ADK: variants seen among roughly 807,000 people sequenced by gnomAD.
ADK encodes the protein N6,N6-dimethyladenosine kinase.
ADK carries 24 observed loss-of-function variants against 44.7 expected under a neutral mutation model. The ratio of observed to expected loss-of-function variants is 0.54; its 90% CI spans 0.39 to 0.76. The LOEUF is 0.76. ADK is among the 30% of genes least tolerant of loss of function. ADK has a pLI of 0.00. For synonymous variants in ADK, 128 were observed against 142.6 expected, an observed-to-expected ratio of 0.90 and a Z score of 0.73; for missense variants, 321 against 425.1, an observed-to-expected ratio of 0.76 and a Z score of 2.15.
At chr10:74,540,747 C>A (rs1849598918) in intron 7 of ADK, among the ~76,000 whole-genome samples, 1 of 151,976 alleles carries the variant, frequency 6.6e-6, no homozygotes, top group Non-Finnish European at 1.5e-5. Context: ...GAGTGAGACA[C>A]CTCACCCAGC....
At chr10:74,237,279 A>G (rs939466514) in intron 3 of ADK, among the ~76,000 whole-genome samples, 1 of 152,222 alleles carries the variant, frequency 6.6e-6, no homozygotes, top group Non-Finnish European at 1.5e-5. Context: ...AGTACATTCC[A>G]TCTTAGGAAA....
At chr10:74,441,435 G>A (rs1013323175) in intron 6 of ADK, among the ~76,000 whole-genome samples, 3 of 152,186 alleles carry the variant, frequency 2.0e-5, no homozygotes, top group African/African-American at 4.8e-5. Flanking sequence ...ACACAAAAAT[G>A]TGTATATGAA....
intron 5 of ADK, among the ~76,000 whole-genome samples, chr10:74,395,086 ATTATATTGT>A (rs1843461508): frequency 1.3e-5 from 2 of 152,104 alleles, no homozygotes; most frequent in African/African-American, 4.8e-5. Flanking sequence ...TGCCCTAGCT[ATTATATTGT>A]TGGGATAATC....
At chr10:74,623,606 A>G (rs1853077669) in intron 9 of ADK, among the ~76,000 whole-genome samples, 1 of 152,044 alleles carries the variant, frequency 6.6e-6, no homozygotes, top group Admixed American at 6.6e-5. Context: ...CATATCTTGT[A>G]AATGCATTTT....
intron 3 of ADK, among the ~76,000 whole-genome samples, chr10:74,263,775 C>T (rs573571994): frequency 6.6e-6 from 1 of 152,304 alleles, no homozygotes; most frequent in African/African-American, 2.4e-5. Context: ...TACAGTGCCT[C>T]TCCTTCGGCT....
At chr10:74,639,480 C>T (rs1043498550) in intron 9 of ADK, among the ~76,000 whole-genome samples, 1 of 152,154 alleles carries the variant, frequency 6.6e-6, no homozygotes, top group Non-Finnish European at 1.5e-5. Context: ...TGTGAAACTT[C>T]ATCACTTATT....
intron 1 of ADK, among the ~76,000 whole-genome samples, chr10:74,176,144 C>A (rs982056494): frequency 6.6e-6 from 1 of 152,142 alleles, no homozygotes; most frequent in Non-Finnish European, 1.5e-5. Flanking sequence ...TTTCTAGATT[C>A]GGATACATAA....
intron 6 of ADK, among the ~76,000 whole-genome samples, chr10:74,493,823 G>A (rs993378074): frequency 2.6e-5 from 4 of 152,044 alleles, no homozygotes; most frequent in African/African-American, 9.7e-5. Flanking sequence ...TACCATGAAT[G>A]TTTTACCTCA....
At chr10:74,427,729 G>GTA (rs773319400) in intron 6 of ADK, among the ~76,000 whole-genome samples, 4 of 33,114 alleles carry the variant, frequency 1.2e-4, no homozygotes, top group African/African-American at 3.4e-4. Context: ...GTATATGTAT[G>GTA]TGTGTGTGTG....
intron 3 of ADK, among the ~76,000 whole-genome samples, chr10:74,239,266 T>C (rs1340793119): frequency 6.6e-6 from 1 of 152,196 alleles, no homozygotes; most frequent in African/African-American, 2.4e-5. Context: ...TGGAGTAGTA[T>C]AAATTGTTAC....
intron 3 of ADK, among the ~76,000 whole-genome samples, chr10:74,229,684 A>C (rs930135542): frequency 6.6e-6 from 1 of 152,100 alleles, no homozygotes; most frequent in African/African-American, 2.4e-5. Context: ...GGCGTGAGCC[A>C]CCGCGCCCGG....
chr10:74,643,465 A>G (rs1853947239), intron 9 of ADK, among the ~76,000 whole-genome samples: 1 of 152,164 alleles, frequency 6.6e-6, no homozygotes, highest in Non-Finnish European at 1.5e-5. Flanking sequence ...CTAAGCTTCT[A>G]TTAAAACTAT....
intron 3 of ADK, among the ~76,000 whole-genome samples, chr10:74,273,458 TC>T (rs1321752000): frequency 7.1e-6 from 1 of 140,910 alleles, no homozygotes; most frequent in East Asian, 2.0e-4. Context: ...CTCTTCTTCT[TC>T]TTTTTTTTTT....
At chr10:74,362,460 C>G (rs1441819380) in intron 4 of ADK, among the ~76,000 whole-genome samples, 1 of 151,660 alleles carries the variant, frequency 6.6e-6, no homozygotes, top group Non-Finnish European at 1.5e-5. Context: ...ATTGATTCTT[C>G]ATGTTTTCTT....
intron 7 of ADK, among the ~76,000 whole-genome samples, chr10:74,526,632 A>C (rs973281024): frequency 1.3e-5 from 2 of 152,200 alleles, no homozygotes; most frequent in Non-Finnish European, 2.9e-5. Context: ...ACCTGGGTAA[A>C]GATTAAAGGA....
At chr10:74,608,509 T>G (rs1169108656) in intron 9 of ADK, among the ~76,000 whole-genome samples, 1 of 152,000 alleles carries the variant, frequency 6.6e-6, no homozygotes, top group Non-Finnish European at 1.5e-5. Context: ...TCTGCTGGAG[T>G]TTTCTGGAGG....
At chr10:74,451,198 G>T (rs1845767297) in intron 6 of ADK, among the ~76,000 whole-genome samples, 1 of 150,300 alleles carries the variant, frequency 6.7e-6, no homozygotes. Flanking sequence ...ATCTAGTCAA[G>T]TGATGACATG....
intron 3 of ADK, among the ~76,000 whole-genome samples, chr10:74,235,720 T>C (rs1275650771): frequency 1.3e-5 from 2 of 152,234 alleles, no homozygotes; most frequent in Non-Finnish European, 2.9e-5. Flanking sequence ...TTTTCTCCTT[T>C]CTTTCTGCTA....
chr10:74,597,553 A>G (rs748790173), intron 8 of ADK, among the ~76,000 whole-genome samples: 1 of 152,100 alleles, frequency 6.6e-6, no homozygotes. Context: ...TGAACTTTAT[A>G]CTTTTGAAAA....
Sources: allele counts gnomAD v4.1 joint callset (sites outside exome capture counted in the v4.1 genomes callset), GRCh38; gene constraint gnomAD v4.1.1; transcripts MANE v1.5; gene names NCBI Gene and HGNC (gene_info 2026-07-23, HGNC 2026-07-21).